The following LYZL2 variants were observed in gnomAD, a reference collection of about 807,000 sequenced individuals.
LYZL2 encodes the protein lysozyme like 2, also known as lysozyme-like protein 2.
Under a neutral mutation model 17.1 loss-of-function variants are expected in LYZL2, and 13 were observed. The ratio of observed to expected loss-of-function variants is 0.76; its 90% CI spans 0.49 to 1.21. LYZL2 has a LOEUF of 1.21. Ranked by LOEUF, LYZL2 falls within the 50% of genes most tolerant of loss-of-function variation. The probability of loss-of-function intolerance (pLI) is 0.00; values close to 1 mark genes in which losing one functional copy is unlikely to be tolerated. For synonymous variants in LYZL2, 63 were observed against 74.4 expected (o/e 0.85, Z 0.79); for missense variants, 166 against 189.2 (o/e 0.88, Z 0.72).
At chr10:30,611,607 GAAAGAAAGAGAA>G (rs1564405960), downstream of LYZL2, among the ~76,000 whole-genome samples, 1 of 138,136 alleles carries the variant, frequency 7.2e-6, no homozygotes, top group Non-Finnish European at 1.5e-5. Flanking sequence ...AAGAAAGAAA[GAAAGAAAGAGAA>G]AGAAAGAAGG....
At chr10:30,618,185 C>G (rs987437483) in intron 3 of LYZL2, among the ~76,000 whole-genome samples, 14 of 152,186 alleles carry the variant, frequency 9.2e-5, no homozygotes, top group Admixed American at 8.5e-4. Flanking sequence ...AGGATACAAA[C>G]AAATGGAAGA....
chr10:30,615,521 T>TTCTC (rs146438047), intron 3 of LYZL2, among the ~76,000 whole-genome samples: 1 of 149,222 alleles, frequency 6.7e-6, no homozygotes, highest in Admixed American at 6.7e-5. Flanking sequence ...TTAAGTGTTC[T>TTCTC]TCTCTCTCTC....
At chr10:30,611,740 A>AAGAAAG (rs1564406102), downstream of LYZL2, 15 of 464,212 alleles carry the variant, frequency 3.2e-5, no homozygotes, top group African/African-American at 4.0e-4. Context: ...AAGAAAGGAA[A>AAGAAAG]GAAAGAAAGA....
downstream of LYZL2, among the ~76,000 whole-genome samples, chr10:30,608,616 G>A (rs570154948): frequency 4.3e-4 from 65 of 152,298 alleles, 1 homozygote; most frequent in South Asian, 0.012. Flanking sequence ...CTCTGCTGTC[G>A]CGCTGTGGCC....
At chr10:30,616,725 G>C (rs1223567812) in intron 3 of LYZL2, among the ~76,000 whole-genome samples, 3 of 152,104 alleles carry the variant, frequency 2.0e-5, no homozygotes, top group Admixed American at 6.5e-5. Context: ...CATAAACCAA[G>C]TTCACACACT....
chr10:30,617,682 A>AAAAAAAAAAAAAAAAG, intron 3 of LYZL2, among the ~76,000 whole-genome samples: 1 of 148,160 alleles, frequency 6.7e-6, no homozygotes, highest in African/African-American at 2.5e-5. Context: ...CTCAAAAAAA[A>AAAAAAAAAAAAAAAAG]AAAAAAAAAA....
chr10:30,628,648 T>C (rs899262921), intron 1 of LYZL2, among the ~76,000 whole-genome samples: 9 of 152,232 alleles, frequency 5.9e-5, no homozygotes, highest in Non-Finnish European at 7.3e-5. Context: ...TGTCATTTTC[T>C]GCACTTGCCT....
chr10:30,615,824 T>C (rs1300240151), intron 3 of LYZL2, among the ~76,000 whole-genome samples: 2 of 152,188 alleles, frequency 1.3e-5, no homozygotes, highest in Non-Finnish European at 2.9e-5. Context: ...TGGTTCTGTT[T>C]GACAGCACAG....
chr10:30,619,494 G>A (rs1838585950), intron 3 of LYZL2, among the ~76,000 whole-genome samples: 2 of 152,076 alleles, frequency 1.3e-5, no homozygotes, highest in Non-Finnish European at 2.9e-5. Context: ...ATACTATGCA[G>A]CCATAAAAAA....
downstream of LYZL2, among the ~76,000 whole-genome samples, chr10:30,608,453 C>A (rs1838398552): frequency 6.6e-6 from 1 of 152,122 alleles, no homozygotes; most frequent in South Asian, 2.1e-4. Context: ...CAGGGGCTGG[C>A]TTAGGGTTTG....
chr10:30,625,387 C>T (rs1838686088), intron 3 of LYZL2, among the ~76,000 whole-genome samples: 1 of 152,150 alleles, frequency 6.6e-6, no homozygotes, highest in African/African-American at 2.4e-5. Flanking sequence ...CTTGCTCAGG[C>T]TCAGATCCTT....
downstream of LYZL2, among the ~76,000 whole-genome samples, chr10:30,611,587 G>GA (rs1424477166): frequency 4.0e-3 from 470 of 116,884 alleles, 1 homozygote; most frequent in African/African-American, 0.016. Context: ...AAGAAAGAAA[G>GA]AAAGAAAGAA....
intron 1 of LYZL2, among the ~76,000 whole-genome samples, chr10:30,629,070 C>T (rs1838764626): frequency 6.6e-6 from 1 of 152,146 alleles, no homozygotes; most frequent in African/African-American, 2.4e-5. Context: ...TTGTGCTAAG[C>T]TGTGAGGGAC....
intron 3 of LYZL2, among the ~76,000 whole-genome samples, chr10:30,614,244 ACC>A (rs1265173948): frequency 2.0e-5 from 3 of 152,184 alleles, no homozygotes; most frequent in African/African-American, 7.2e-5. Flanking sequence ...AGCAATCCAC[ACC>A]TATGAAAGGA....
At chr10:30,622,053 T>C (rs1175445982) in intron 3 of LYZL2, among the ~76,000 whole-genome samples, 1 of 152,082 alleles carries the variant, frequency 6.6e-6, no homozygotes, top group Non-Finnish European at 1.5e-5. Context: ...TACTTGAAGG[T>C]AAGATGTAAT....
intron 3 of LYZL2, among the ~76,000 whole-genome samples, chr10:30,618,552 C>A (rs1564408212): frequency 6.6e-6 from 1 of 152,114 alleles, no homozygotes; most frequent in Non-Finnish European, 1.5e-5. Context: ...CTTTGACAAA[C>A]CTGACAAAAG....
At chr10:30,628,494 C>G (rs1838756121) in intron 1 of LYZL2, among the ~76,000 whole-genome samples, 1 of 152,174 alleles carries the variant, frequency 6.6e-6, no homozygotes, top group South Asian at 2.1e-4. Flanking sequence ...CTGTCTCCTG[C>G]TGCCTACTGA....
At chr10:30,624,179 A>G (rs941117880) in intron 3 of LYZL2, among the ~76,000 whole-genome samples, 5 of 152,174 alleles carry the variant, frequency 3.3e-5, no homozygotes, top group African/African-American at 1.2e-4. Context: ...CTTCTCCACC[A>G]TGCTCTGTGC....
chr10:30,609,637 C>G (rs78216294), downstream of LYZL2, among the ~76,000 whole-genome samples: 4 of 152,148 alleles, frequency 2.6e-5, no homozygotes, highest in Non-Finnish European at 5.9e-5. Context: ...CCCCTAATAC[C>G]CAAGAGTCTG....
Sources: allele counts gnomAD v4.1 joint callset (sites outside exome capture counted in the v4.1 genomes callset), GRCh38; gene constraint gnomAD v4.1.1; transcripts MANE v1.5; gene names NCBI Gene and HGNC (gene_info 2026-07-23, HGNC 2026-07-21).